Variants in WDR25 observed in about 807,000 individuals in gnomAD.
WDR25 encodes the protein WD repeat-containing protein 25.
Under a neutral mutation model 47.7 loss-of-function variants are expected in WDR25, and 35 were observed. The ratio of observed to expected loss-of-function variants is 0.73; its 90% CI spans 0.56 to 0.97. The LOEUF (loss-of-function observed/expected upper bound fraction) is 0.97, where lower values mean the gene tolerates loss of function less well. WDR25 is among the 50% of genes least tolerant of loss of function. The probability of loss-of-function intolerance (pLI) is 0.00; values close to 1 mark genes in which losing one functional copy is unlikely to be tolerated. For synonymous variants in WDR25, 248 were observed against 278.9 expected, an observed-to-expected ratio of 0.89 and a Z score of 1.10; for missense variants, 634 against 704.7, an observed-to-expected ratio of 0.90 and a Z score of 1.14.
intron 2 of WDR25, among the ~76,000 whole-genome samples, chr14:100,448,251 A>AGC (rs1898905663): frequency 6.6e-6 from 1 of 152,204 alleles, no homozygotes; most frequent in Non-Finnish European, 1.5e-5. Flanking sequence ...AAGTGAAGAA[A>AGC]GCAGGATGCC....
intron 4 of WDR25, among the ~76,000 whole-genome samples, chr14:100,490,137 G>A (rs753506656): frequency 3.3e-5 from 5 of 152,200 alleles, no homozygotes; most frequent in Non-Finnish European, 7.3e-5. Flanking sequence ...CCTTGGGCCT[G>A]TGTGGGCCCT....
intron 4 of WDR25, among the ~76,000 whole-genome samples, chr14:100,486,971 ATTC>A (rs540872523): frequency 2.6e-5 from 4 of 152,304 alleles, no homozygotes; most frequent in East Asian, 3.9e-4. Flanking sequence ...ACATTTTGAT[ATTC>A]TTCTTTCTGT....
chr14:100,423,428 C>T (rs1197056195), intron 2 of WDR25, among the ~76,000 whole-genome samples: 1 of 152,174 alleles, frequency 6.6e-6, no homozygotes, highest in Non-Finnish European at 1.5e-5. Flanking sequence ...TCAGACACAC[C>T]TTATTCCGAT....
chr14:100,527,474 C>T (rs944644807), intron 5 of WDR25, among the ~76,000 whole-genome samples: 2 of 152,232 alleles, frequency 1.3e-5, no homozygotes, highest in African/African-American at 4.8e-5. Flanking sequence ...AATATCTATC[C>T]TGTGTACACC....
chr14:100,380,213 A>G (rs1896846447), intron 1 of WDR25, among the ~76,000 whole-genome samples: 1 of 151,390 alleles, frequency 6.6e-6, no homozygotes, highest in African/African-American at 2.4e-5. Flanking sequence ...AGGCCTGGCT[A>G]ATTTTTGTAT....
At chr14:100,402,826 C>T (rs1028670783) in intron 2 of WDR25, among the ~76,000 whole-genome samples, 1 of 152,104 alleles carries the variant, frequency 6.6e-6, no homozygotes, top group Non-Finnish European at 1.5e-5. Flanking sequence ...AAATTACTAA[C>T]ACCTCGTGAC....
intron 4 of WDR25, among the ~76,000 whole-genome samples, chr14:100,510,256 C>T (rs1372064971): frequency 9.0e-5 from 13 of 144,824 alleles, no homozygotes; most frequent in South Asian, 2.2e-4. Context: ...GGTGACAGAA[C>T]GAGACTCCAT....
At chr14:100,394,992 G>A (rs997099492) in intron 2 of WDR25, among the ~76,000 whole-genome samples, 1 of 152,110 alleles carries the variant, frequency 6.6e-6, no homozygotes, top group Non-Finnish European at 1.5e-5. Context: ...CAATGAAATC[G>A]ATGAGGGGCA....
chr14:100,489,977 C>T (rs150004756), intron 4 of WDR25, among the ~76,000 whole-genome samples: 1,578 of 152,282 alleles, frequency 0.01, 29 homozygotes, highest in African/African-American at 0.036. Flanking sequence ...ATCTTTTCTT[C>T]CTACTTTTAT....
At chr14:100,492,125 T>C (rs75192852) in intron 4 of WDR25, among the ~76,000 whole-genome samples, 3,832 of 152,348 alleles carry the variant, frequency 0.025, 164 homozygotes, top group African/African-American at 0.078. Flanking sequence ...TCCAGTTAGA[T>C]GGCGCATGCC....
chr14:100,474,144 G>T (rs1036467147), intron 3 of WDR25, among the ~76,000 whole-genome samples: 3 of 152,144 alleles, frequency 2.0e-5, no homozygotes, highest in African/African-American at 7.2e-5. Context: ...TTGTGAGTGG[G>T]TCTATTTTCC....
intron 2 of WDR25, among the ~76,000 whole-genome samples, chr14:100,422,971 T>C (rs1318277326): frequency 2.6e-5 from 4 of 152,214 alleles, no homozygotes; most frequent in Non-Finnish European, 5.9e-5. Flanking sequence ...CAAACTATTA[T>C]GAAGGTCTTG....
Position 100,529,052 on chromosome 14 carries a change from G to T in WDR25, c.1273-16G>T, listed in dbSNP as rs1426060871. ...GGGTGTCTTCTCTGACCCATTTGTG[G>T]CTCTGCTGTTCTCAGGAGAGGTTCA... On this transcript the variant is annotated splice_polypyrimidine_tract_variant and intron_variant, in intron 5 of 6. Coordinates refer to ENST00000402312, the MANE Select transcript of WDR25 (RefSeq NM_001161476.3). The surrounding 1 kb of genome is among the most constrained non-coding windows in gnomAD (Gnocchi z 5.1). 6.6e-7 allele frequency: 1 copy of T among 1,521,296 alleles called. No individual in the cohort carries two copies. The highest frequency in any genetic ancestry group is 1.3e-5 in the South Asian group (1 of 77,216). The allele number at this position is 1,521,296 out of a possible 1,614,324, so 94.2% of individuals were successfully genotyped here.
rs59371651 is a variant in WDR25, at chr14:100,448,862, C to T, written c.823-19159C>T. On this transcript the variant is annotated intron_variant, in intron 2 of 6. Coordinates refer to ENST00000402312, the MANE Select transcript of WDR25 (RefSeq NM_001161476.3). ...TATGGGAGTCAGGAGGGCTTCCTGG[C>T]GGAAGGAGTGTCTCATGGGAGACAG... is the stretch of plus-strand genomic sequence containing the variant. Among the ~76,000 whole-genome samples the T allele has an allele frequency of 7.6e-4, 116 of 151,922 alleles. 1 individual carries two copies. Among genetic ancestry groups the T allele is most frequent in the Non-Finnish European group, 1.4e-3 (95 of 67,964 alleles).
chr14:100,426,738 C>A (rs1467156689), intron 2 of WDR25, among the ~76,000 whole-genome samples: 1 of 152,178 alleles, frequency 6.6e-6, no homozygotes, highest in Non-Finnish European at 1.5e-5. Flanking sequence ...TGCTGCCCCC[C>A]AGCCCCACCC....
chr14:100,396,062 C>T (rs1455978974), intron 2 of WDR25, among the ~76,000 whole-genome samples: 3 of 151,156 alleles, frequency 2.0e-5, no homozygotes, highest in Non-Finnish European at 2.9e-5. Flanking sequence ...CTGCAAGCTC[C>T]GCCTTCCGGG....
At chr14:100,514,087 C>T (rs1413695635) in intron 4 of WDR25, among the ~76,000 whole-genome samples, 1 of 151,976 alleles carries the variant, frequency 6.6e-6, no homozygotes, top group Non-Finnish European at 1.5e-5. Flanking sequence ...AGGCGCCCGC[C>T]ACCACGCCCG....
rs186102255 is a variant in WDR25 at position 100,482,457 on chromosome 14, G to A, written c.971-1537G>A. Among the ~76,000 whole-genome samples the A allele has an allele frequency of 4.5e-3, 690 of 152,282 alleles. 9 individuals carry two copies. Among genetic ancestry groups the A allele is most frequent in the South Asian group, 0.029 (142 of 4,826 alleles). ...GGTTTTTAAAAAATGTTTATAATATGTTGGTACAGAGGCACATTATTCAAC... is the reference window on the plus strand; with the variant it reads ...GGTTTTTAAAAAATGTTTATAATATATTGGTACAGAGGCACATTATTCAAC... On this transcript the variant is annotated intron_variant, in intron 3 of 6. Transcript: ENST00000402312.
At chr14:100,408,912 G>A (rs1897625585) in intron 2 of WDR25, among the ~76,000 whole-genome samples, 1 of 152,198 alleles carries the variant, frequency 6.6e-6, no homozygotes, top group Non-Finnish European at 1.5e-5. Context: ...GAAATAAAAT[G>A]CATGAATTAT....
Sources: gnomAD v4.1 joint callset for allele counts (sites outside exome capture counted in the v4.1 genomes callset) on GRCh38, gnomAD v4.1.1 for gene constraint, Gnocchi (gnomAD v3.1) non-coding constraint, MANE v1.5 for transcripts, NCBI Gene and HGNC (gene_info 2026-07-23, HGNC 2026-07-21) for gene names.